The following GOLGA1 variants were observed in gnomAD, a reference collection of about 807,000 sequenced individuals.
The protein encoded by GOLGA1 is golgin subfamily A member 1.
A neutral mutation model predicts 119.7 loss-of-function variants in GOLGA1; 63 were observed. That is an observed-to-expected ratio of 0.53 (90% CI 0.43 to 0.65). The LOEUF (loss-of-function observed/expected upper bound fraction) is 0.65. Ranked by LOEUF, GOLGA1 falls within the 30% of genes least tolerant of loss-of-function variation. The pLI is 0.00. For synonymous variants in GOLGA1, 318 were observed against 333.4 expected, an observed-to-expected ratio of 0.95 and a Z score of 0.50; for missense variants, 798 against 912.8, an observed-to-expected ratio of 0.87 and a Z score of 1.62.
upstream of GOLGA1, among the ~76,000 whole-genome samples, chr9:124,941,285 A>G (rs370403686): frequency 4.2e-4 from 64 of 152,384 alleles, no homozygotes; most frequent in East Asian, 0.011. Flanking sequence ...CCAGAGCCAC[A>G]GATGATGACT....
intron 10 of GOLGA1, among the ~76,000 whole-genome samples, chr9:124,914,608 C>T (rs1564336692): frequency 6.6e-6 from 1 of 152,168 alleles, no homozygotes; most frequent in Non-Finnish European, 1.5e-5. Context: ...GTGGTAATAG[C>T]GTAAAGACAG....
In GOLGA1 at chr9:124,881,617, C is replaced by T. The variant is rs1346697861; in HGVS notation, c.2136+167G>A. On this transcript the variant is annotated intron_variant, in intron 21 of 22. Transcript: ENST00000373555. This position sits in a 1 kb window ranked among gnomAD's most constrained non-coding sequence, Gnocchi z 4.9. ...TTCCTGCACGGCCTCTCCCGCCAGC[C>T]GCTCACTCCGCAGGCCAACGCCAGC... 1.3e-5 allele frequency among the ~76,000 whole-genome samples: 2 copies of T among 152,188 alleles called. No individual in the cohort carries two copies. Among genetic ancestry groups the T allele is most frequent in the East Asian group, 1.9e-4 (1 of 5,184 alleles).
At chr9:124,924,502 T>C (rs1030297217) in intron 7 of GOLGA1, among the ~76,000 whole-genome samples, 1 of 151,684 alleles carries the variant, frequency 6.6e-6, no homozygotes, top group Non-Finnish European at 1.5e-5. Context: ...CATGGTGGCA[T>C]GTGCTTGTAA....
At chr9:124,927,772 C>A (rs1469133906) in intron 6 of GOLGA1, among the ~76,000 whole-genome samples, 1 of 152,160 alleles carries the variant, frequency 6.6e-6, no homozygotes, top group South Asian at 2.1e-4. Flanking sequence ...AACGTGGGAA[C>A]AGAGGTTGGA....
chr9:124,907,217 G>A (rs901378142), intron 12 of GOLGA1, among the ~76,000 whole-genome samples: 2 of 152,162 alleles, frequency 1.3e-5, no homozygotes, highest in Non-Finnish European at 2.9e-5. Context: ...AACAATACGT[G>A]ATAAAGTTAG....
chr9:124,911,865 T>C, intron 11 of GOLGA1, 36 bp downstream of exon 11: 2 of 1,596,438 alleles, frequency 1.3e-6, no homozygotes, highest in Non-Finnish European at 1.7e-6. Flanking sequence ...ACCCTGCCTT[T>C]CCAACACCAG....
intron 6 of GOLGA1, among the ~76,000 whole-genome samples, chr9:124,927,183 CA>C (rs1490476047): frequency 6.6e-6 from 1 of 152,070 alleles, no homozygotes; most frequent in African/African-American, 2.4e-5. Context: ...GGATCTTTTG[CA>C]GTCCCTGATA....
chr9:124,890,342 G>T, intron 16 of GOLGA1, 47 bp downstream of exon 16: 2 of 1,271,956 alleles, frequency 1.6e-6, no homozygotes, highest in Non-Finnish European at 2.3e-6. Context: ...CCTGCTGCCT[G>T]TGGGACTGCA....
Position 124,888,418 on chromosome 9 carries a change from T to A in GOLGA1, c.1762-22A>T. On this transcript the variant is annotated intron_variant, in intron 18 of 22. Transcript: ENST00000373555. This position sits in a 1 kb window ranked among gnomAD's most constrained non-coding sequence, Gnocchi z 4.4. ...TCACCTACAAGGTGGCAGCAGCAAA[T>A]TGAGAGCCAGGACAGGTCAGGTGAA... 1.2e-6 allele frequency: 2 copies of A among 1,612,964 alleles called. No individual in the cohort carries two copies. The highest frequency in any genetic ancestry group is 1.7e-6 in the Non-Finnish European group (2 of 1,179,204).
chr9:124,904,737 C>A (rs1326639318), intron 12 of GOLGA1, among the ~76,000 whole-genome samples: 1 of 151,628 alleles, frequency 6.6e-6, no homozygotes, highest in Non-Finnish European at 1.5e-5. Context: ...GTCAGGAGTT[C>A]AAGACCAGCC....
intron 9 of GOLGA1, among the ~76,000 whole-genome samples, 166 bp downstream of exon 9, chr9:124,921,557 G>A (rs942876069): frequency 2.0e-5 from 3 of 152,286 alleles, no homozygotes; most frequent in African/African-American, 7.2e-5. Flanking sequence ...AAATGGGTTG[G>A]AGGTAGGGTG....
At chr9:124,939,332 TATTCAATATGTA>T (rs1337821521) in intron 2 of GOLGA1, among the ~76,000 whole-genome samples, 5 of 152,180 alleles carry the variant, frequency 3.3e-5, no homozygotes, top group Non-Finnish European at 7.4e-5. Flanking sequence ...TGTAATTCAA[TATTCAATATGTA>T]ATTCAATATG....
intron 11 of GOLGA1, among the ~76,000 whole-genome samples, chr9:124,908,751 T>C (rs1830279528): frequency 6.6e-6 from 1 of 152,216 alleles, no homozygotes; most frequent in Non-Finnish European, 1.5e-5. Context: ...GGGTGGGAGA[T>C]ACTCCCTGCC....
At chr9:124,941,513 C>T (rs1831024392), upstream of GOLGA1, among the ~76,000 whole-genome samples, 1 of 152,240 alleles carries the variant, frequency 6.6e-6, no homozygotes. Flanking sequence ...TGCCTTGCCA[C>T]CGTGTGACCC....
At chr9:124,893,088 C>T (rs953908940) in intron 15 of GOLGA1, among the ~76,000 whole-genome samples, 4 of 152,130 alleles carry the variant, frequency 2.6e-5, no homozygotes, top group African/African-American at 9.7e-5. Context: ...CAGCCTCGAC[C>T]TTCTAGGCTC....
At chr9:124,904,072 TA>T (rs199796322) in intron 12 of GOLGA1, among the ~76,000 whole-genome samples, 4,768 of 119,270 alleles carry the variant, frequency 0.04, 215 homozygotes, top group East Asian at 0.25. Flanking sequence ...AAAAAAATTC[TA>T]AAAAAAAAAA....
chr9:124,899,417 A>G lies in GOLGA1; in HGVS notation c.1223T>C (p.Phe408Ser). 4.5e-6 allele frequency: 7 copies of G among 1,548,698 alleles called. No individual in the cohort carries two copies. The highest frequency in any genetic ancestry group is 6.1e-6 in the Non-Finnish European group (7 of 1,147,676). The change falls in exon 14 of 23, where the codon TTC becomes TCC. Residue 408 changes from phenylalanine to serine, a missense_variant. By Grantham distance (155) the Phe-to-Ser change is radical. Coordinates refer to ENST00000373555, the MANE Select transcript of GOLGA1 (RefSeq NM_002077.4). ...QQQALALEQQ[F>S]LERTQALEAQ... ...TTCTAGCGCCTGGGTGCGCTCCAAG[A>G]ACTGCTGCTCCAGAGCAAGGGCCTG...
At chr9:124,937,348 G>A (rs990353882) in intron 3 of GOLGA1, among the ~76,000 whole-genome samples, 3 of 152,136 alleles carry the variant, frequency 2.0e-5, no homozygotes, top group African/African-American at 7.2e-5. Context: ...AGCTACTCAG[G>A]AGGCTGAGGC....
intron 19 of GOLGA1, 53 bp from the exon 20 acceptor site, chr9:124,882,622 A>C: frequency 7.0e-7 from 1 of 1,433,480 alleles, no homozygotes; most frequent in South Asian, 1.2e-5. Context: ...ATGTTTCACC[A>C]AAGGAAACAG....
Sources: gnomAD v4.1 joint callset for allele counts (sites outside exome capture counted in the v4.1 genomes callset) on GRCh38, gnomAD v4.1.1 for gene constraint, Gnocchi (gnomAD v3.1) non-coding constraint, MANE v1.5 for transcripts, NCBI Gene and HGNC (gene_info 2026-07-23, HGNC 2026-07-21) for gene names.